The following EIF4E variants were observed in gnomAD, a reference collection of about 807,000 sequenced individuals.
EIF4E encodes the protein eIF-4F 25 kDa subunit.
For synonymous variants in EIF4E, 71 were observed against 88.5 expected (o/e 0.80, Z 1.11); for missense variants, 113 against 265.6 (o/e 0.43, Z 3.99).
chr4:98,881,443 C>A (rs1723689119), intron 6 of EIF4E, among the ~76,000 whole-genome samples: 3 of 151,998 alleles, frequency 2.0e-5, no homozygotes, highest in African/African-American at 7.2e-5. Context: ...ATTACTAAAT[C>A]AACAGTGAAC....
intron 6 of EIF4E, among the ~76,000 whole-genome samples, chr4:98,883,121 A>C (rs1457892223): frequency 6.6e-6 from 1 of 152,054 alleles, no homozygotes; most frequent in Non-Finnish European, 1.5e-5. Flanking sequence ...CCCTGTCTCT[A>C]CAAAAACTAC....
At chr4:98,908,452 A>G (rs1380825996) in intron 1 of EIF4E, among the ~76,000 whole-genome samples, 1 of 152,244 alleles carries the variant, frequency 6.6e-6, no homozygotes, top group African/African-American at 2.4e-5. Flanking sequence ...CTGGAAAACC[A>G]GCTGTGTCCA....
At chr4:98,883,263 C>T (rs1579146081) in intron 6 of EIF4E, among the ~76,000 whole-genome samples, 1 of 151,882 alleles carries the variant, frequency 6.6e-6, no homozygotes, top group Non-Finnish European at 1.5e-5. Context: ...CAGAGTGTGA[C>T]TCTGTCTCAA....
At chr4:98,889,499 T>C (rs1298160090) in intron 3 of EIF4E, among the ~76,000 whole-genome samples, 1 of 152,178 alleles carries the variant, frequency 6.6e-6, no homozygotes, top group Non-Finnish European at 1.5e-5. Flanking sequence ...GAATTTATAA[T>C]GGCACATCTA....
rs1723957164 is a variant in EIF4E at position 98,887,163 on chromosome 4, C to G, written c.315G>C (p.Glu105Asp). 1 of 1,614,026 alleles carries G rather than the reference C, an allele frequency of 6.2e-7. No homozygotes were observed. Among genetic ancestry groups the G allele is most frequent in the Non-Finnish European group, 8.5e-7 (1 of 1,179,906 alleles). ...KDGIEPMWEDEKNKRGGRWLI... is the reference protein window; with the variant it reads ...KDGIEPMWEDDKNKRGGRWLI... ...GCCATCGTCCTCCCCGTTTGTTTTTCTCATCTTCCCACATAGGCTCAATAC... is the reference window on the plus strand; with the variant it reads ...GCCATCGTCCTCCCCGTTTGTTTTTGTCATCTTCCCACATAGGCTCAATAC... Residue 105 changes from glutamate (E) to aspartate (D), a missense_variant, in exon 5 of 7, where the codon GAG (glutamate) becomes GAC (aspartate). Transcript: ENST00000450253. This position sits in a 1 kb window ranked among gnomAD's most constrained non-coding sequence, Gnocchi z 4.0.
At chr4:98,888,918 T>C (rs1045778584) in intron 3 of EIF4E, among the ~76,000 whole-genome samples, 4 of 152,010 alleles carry the variant, frequency 2.6e-5, no homozygotes, top group Non-Finnish European at 5.9e-5. Context: ...CCCAGCACTT[T>C]GGGAGGCCGA....
At chr4:98,902,466 T>C (rs571036664) in intron 1 of EIF4E, among the ~76,000 whole-genome samples, 2 of 152,272 alleles carry the variant, frequency 1.3e-5, no homozygotes, top group South Asian at 4.1e-4. Flanking sequence ...TTCTCATATC[T>C]CTTCATTAAG....
intron 2 of EIF4E, among the ~76,000 whole-genome samples, chr4:98,901,269 T>C (rs1724636536): frequency 6.6e-6 from 1 of 151,454 alleles, no homozygotes; most frequent in Non-Finnish European, 1.5e-5. Flanking sequence ...GCGATCTCAG[T>C]TCACTGCAAC....
chr4:98,925,086 G>A lies in EIF4E; in HGVS notation c.18+4009C>T, dbSNP rs1477947829. On this transcript the variant is annotated intron_variant, in intron 1 of 6. Transcript: ENST00000450253. ...TAGTACAACAAATATTTGTCAATAT[G>A]TATATAAACCTTATTTACTCTTATT... is the stretch of plus-strand genomic sequence containing the variant. Among the ~76,000 whole-genome samples, 3 of 152,148 alleles carry A rather than the reference G, an allele frequency of 2.0e-5. No homozygotes were observed. The East Asian group carries it at 5.8e-4, about 29-fold the overall frequency.
chr4:98,902,695 A>G (rs545887292), intron 1 of EIF4E, among the ~76,000 whole-genome samples: 1 of 152,296 alleles, frequency 6.6e-6, no homozygotes, highest in Admixed American at 6.5e-5. Flanking sequence ...CTAAAGTTTC[A>G]AGAGTATAAC....
chr4:98,902,738 A>G (rs1724704464), intron 1 of EIF4E, among the ~76,000 whole-genome samples: 1 of 152,124 alleles, frequency 6.6e-6, no homozygotes. Context: ...GTGCGTCTCT[A>G]CAATCCCAGC....
At chr4:98,891,401 A>G in intron 2 of EIF4E, 69 bp from the exon 3 acceptor site, 2 of 1,435,430 alleles carry the variant, frequency 1.4e-6, no homozygotes, top group Non-Finnish European at 1.9e-6. Context: ...ATTATTCACA[A>G]AAGTCAAAAG....
At chr4:98,904,584 G>A (rs756341289) in intron 1 of EIF4E, among the ~76,000 whole-genome samples, 1 of 151,982 alleles carries the variant, frequency 6.6e-6, no homozygotes, top group Non-Finnish European at 1.5e-5. Context: ...CAGCCTGGCC[G>A]ACATGGTGAA....
rs117715929 is a variant in EIF4E, at chr4:98,902,030, T to A, written c.19-48A>T. ...ATTATTTTAAATGTCTTAACACATC[T>A]ATGACAGCAATATTCTAACTAAACC... is the stretch of plus-strand genomic sequence containing the variant. On this transcript the variant is annotated intron_variant, in intron 1 of 6. Coordinates refer to ENST00000450253, the MANE Select transcript of EIF4E (RefSeq NM_001968.5). 3.3e-6 allele frequency: 5 copies of A among 1,525,420 alleles called. No individual in the cohort carries two copies. In the East Asian group the frequency reaches 1.1e-4, roughly 34 times the overall value. The allele number at this position is 1,525,420 out of a possible 1,614,324, so 94.5% of individuals were successfully genotyped here. A position where few individuals can be genotyped will look rare whatever the true frequency, so the allele number is the denominator to read the frequency against.
At chr4:98,903,317 T>C (rs966282217) in intron 1 of EIF4E, 4 of 412,782 alleles carry the variant, frequency 9.7e-6, no homozygotes, top group Non-Finnish European at 1.9e-5. Context: ...TCTAAAAGAA[T>C]GCAGAGCAGA....
chr4:98,909,944 A>T (rs1379663760), intron 1 of EIF4E: 8 of 528,836 alleles, frequency 1.5e-5, no homozygotes, highest in Non-Finnish European at 2.6e-5. Context: ...CAAACCATGC[A>T]TTTCCTCACA....
chr4:98,915,217 C>T (rs1218882646), intron 1 of EIF4E, among the ~76,000 whole-genome samples: 2 of 151,922 alleles, frequency 1.3e-5, no homozygotes, highest in Non-Finnish European at 2.9e-5. Flanking sequence ...TCCCAAAGTG[C>T]TTCAGGTTTC....
chr4:98,898,690 C>A (rs1009301966), intron 2 of EIF4E, among the ~76,000 whole-genome samples: 3 of 151,566 alleles, frequency 2.0e-5, no homozygotes, highest in African/African-American at 7.3e-5. Context: ...ATTTTCTAAA[C>A]GAATAATTTT....
Position 98,887,103 on chromosome 4 carries a change from G to A in EIF4E, c.375C>T (p.Asp125=), listed in dbSNP as rs62323192. The change falls in exon 5 of 7, where the codon GAC becomes GAT. Residue 125 remains aspartate (D), a synonymous_variant. Coordinates refer to ENST00000450253, the MANE Select transcript of EIF4E (RefSeq NM_001968.5). The surrounding 1 kb of genome is among the most constrained non-coding windows in gnomAD (Gnocchi z 4.0). ...CTGTCTCTAGCCAAAAGCGATCGAG[G>A]TCACTTCGTCTCTGCTGTTTGTTCA... ...ITLNKQQRRS[D]LDRFWLETLL... 0.24 allele frequency: 393,858 copies of A among 1,613,126 alleles called. 52,678 individuals carry two copies. Among genetic ancestry groups the A allele is most frequent in the Non-Finnish European group, 0.28 (327,387 of 1,179,578 alleles).
Sources: allele counts gnomAD v4.1 joint callset (sites outside exome capture counted in the v4.1 genomes callset), GRCh38; gene constraint gnomAD v4.1.1; non-coding constraint Gnocchi (gnomAD v3.1); transcripts MANE v1.5; gene names NCBI Gene and HGNC (gene_info 2026-07-23, HGNC 2026-07-21).